The following PHF24 variants were observed in gnomAD, a reference collection of about 807,000 sequenced individuals.
PHF24 encodes Galpha inhibitory interacting protein.
In PHF24, 25 loss-of-function variants were observed where a neutral mutation model predicts 42.6. That is an observed-to-expected ratio of 0.59 (90% CI 0.43 to 0.82). PHF24 has a LOEUF of 0.82. PHF24 is among the 40% of genes least tolerant of loss of function. PHF24 has a pLI of 0.00. For missense variants in PHF24, 470 were observed against 538.1 expected (o/e 0.87, Z 1.25); for synonymous variants, 185 against 204.8 (o/e 0.90, Z 0.83).
At chr9:34,665,775 G>C in the PHF24 span, 2 of 659,284 alleles carry the variant, frequency 3.0e-6, no homozygotes, top group Non-Finnish European at 5.5e-6. Context: ...CAGGTAATCT[G>C]AGGCTGATGC....
the PHF24 span, among the ~76,000 whole-genome samples, chr9:34,923,593 G>GT: frequency 6.8e-4 from 104 of 152,126 alleles, no homozygotes; most frequent in Middle Eastern, 3.4e-3. Flanking sequence ...CTTCTTCTAG[G>GT]TTTTTCAATT....
chr9:34,869,052 G>A, the PHF24 span, among the ~76,000 whole-genome samples: 1 of 152,294 alleles, frequency 6.6e-6, no homozygotes, highest in Admixed American at 6.5e-5. Context: ...ACGGCTTCCA[G>A]CTCCATCCAT....
At chr9:34,680,703 T>TA in the PHF24 span, among the ~76,000 whole-genome samples, 6 of 61,296 alleles carry the variant, frequency 9.8e-5, no homozygotes, top group South Asian at 6.1e-4. Flanking sequence ...AAAAAATAAA[T>TA]AAATAAAAAA....
exon 8 of PHF24, chr9:34,978,015 A>G: frequency 2.5e-6 from 4 of 1,612,874 alleles, no homozygotes; most frequent in Non-Finnish European, 3.4e-6. Flanking sequence ...TCCACTCCAG[A>G]TTTGTGGACT....
At chr9:34,925,677 T>C in the PHF24 span, among the ~76,000 whole-genome samples, 33 of 152,196 alleles carry the variant, frequency 2.2e-4, no homozygotes, top group African/African-American at 7.2e-4. Flanking sequence ...ATTCAAATTA[T>C]CAATTGTTTT....
At chr9:34,864,154 G>A in the PHF24 span, among the ~76,000 whole-genome samples, 1 of 152,174 alleles carries the variant, frequency 6.6e-6, no homozygotes, top group Admixed American at 6.5e-5. Context: ...CAGGATCCAG[G>A]AAATATCCTC....
At chr9:34,931,174 G>A in the PHF24 span, among the ~76,000 whole-genome samples, 5 of 151,820 alleles carry the variant, frequency 3.3e-5, no homozygotes, top group African/African-American at 9.7e-5. Context: ...CAGGAGATCC[G>A]GACCATCCTG....
the PHF24 span, among the ~76,000 whole-genome samples, chr9:34,680,100 G>A: frequency 1.3e-5 from 2 of 152,186 alleles, no homozygotes; most frequent in African/African-American, 4.8e-5. Flanking sequence ...ACAAGGCTGG[G>A]TGCAGTGGCT....
chr9:34,846,768 A>T, the PHF24 span, among the ~76,000 whole-genome samples: 1 of 152,296 alleles, frequency 6.6e-6, no homozygotes, highest in African/African-American at 2.4e-5. Context: ...TCTTGAATTA[A>T]TTTTTGTATA....
At chr9:34,947,626 T>A in the PHF24 span, among the ~76,000 whole-genome samples, 3 of 152,142 alleles carry the variant, frequency 2.0e-5, no homozygotes, top group Non-Finnish European at 2.9e-5. Flanking sequence ...AAGAAGGCAT[T>A]GTTGTCATGG....
At chr9:34,837,403 T>G in the PHF24 span, 1 of 430,746 alleles carries the variant, frequency 2.3e-6, no homozygotes. Flanking sequence ...TTCCACAGGT[T>G]TTAAAACTAG....
chr9:34,744,390 T>C, the PHF24 span, among the ~76,000 whole-genome samples: 1 of 152,238 alleles, frequency 6.6e-6, no homozygotes, highest in African/African-American at 2.4e-5. Context: ...AAATTTGGGG[T>C]AAAAACTATA....
chr9:34,960,313 A>G (rs1483116875), intron 1 of PHF24, among the ~76,000 whole-genome samples: 1 of 152,190 alleles, frequency 6.6e-6, no homozygotes, highest in Non-Finnish European at 1.5e-5. Flanking sequence ...TGGCTCCTGG[A>G]ATTACATAGT....
the PHF24 span, chr9:34,833,251 G>A: frequency 1.9e-6 from 3 of 1,550,528 alleles, no homozygotes; most frequent in Non-Finnish European, 2.6e-6. Flanking sequence ...GGCTGGGGTT[G>A]TTCACACTGG....
the PHF24 span, among the ~76,000 whole-genome samples, chr9:34,821,864 A>G: frequency 6.6e-6 from 1 of 152,188 alleles, no homozygotes; most frequent in African/African-American, 2.4e-5. Flanking sequence ...GTAGTATCTA[A>G]GATTTCTTAA....
chr9:34,874,180 C>T, the PHF24 span, among the ~76,000 whole-genome samples: 1 of 152,044 alleles, frequency 6.6e-6, no homozygotes, highest in Admixed American at 6.6e-5. Flanking sequence ...AATTGAATAC[C>T]CTTTATTTCC....
upstream of PHF24, among the ~76,000 whole-genome samples, chr9:34,954,627 G>A (rs1339343916): frequency 6.6e-6 from 1 of 152,144 alleles, no homozygotes. Flanking sequence ...ACAGGTTTTT[G>A]TCTAAGGCCT....
the PHF24 span, among the ~76,000 whole-genome samples, chr9:34,930,668 GTTTT>G: frequency 6.6e-6 from 1 of 152,124 alleles, no homozygotes; most frequent in Admixed American, 6.5e-5. Flanking sequence ...GGGAATTGAT[GTTTT>G]TTAGAAGAAC....
the PHF24 span, among the ~76,000 whole-genome samples, chr9:34,929,167 C>T: frequency 6.6e-6 from 1 of 152,200 alleles, no homozygotes; most frequent in Admixed American, 6.5e-5. Flanking sequence ...CATCATCCCA[C>T]CTCCATACTC....
Sources: gnomAD v4.1 joint callset for allele counts (sites outside exome capture counted in the v4.1 genomes callset) on GRCh38, gnomAD v4.1.1 for gene constraint, MANE v1.5 for transcripts, NCBI Gene and HGNC (gene_info 2026-07-23, HGNC 2026-07-21) for gene names.